The following NTM variants were observed in gnomAD, a reference collection of about 807,000 sequenced individuals.
The protein encoded by NTM is IgLON family member 2.
Under a neutral mutation model 42.1 loss-of-function variants are expected in NTM, and 13 were observed. The ratio of observed to expected loss-of-function variants is 0.31; its 90% CI spans 0.20 to 0.49. NTM has a LOEUF of 0.49. NTM is among the 20% of genes least tolerant of loss of function. The probability of loss-of-function intolerance (pLI) is 0.99; values close to 1 mark genes in which losing one functional copy is unlikely to be tolerated. For missense variants in NTM, 373 were observed against 452.8 expected (o/e 0.82, Z 1.60); for synonymous variants, 187 against 179.2 (o/e 1.04, Z -0.35).
chr11:131,911,747 G>T (rs2055073264), intron 2 of NTM, 99 bp downstream of exon 2: 1 of 1,458,322 alleles, frequency 6.9e-7, no homozygotes, highest in African/African-American at 1.4e-5. Context: ...CTGGGTTGGC[G>T]GAGAGGTCGC....
intron 3 of NTM, among the ~76,000 whole-genome samples, chr11:132,157,669 G>C (rs985390847): frequency 7.2e-6 from 1 of 139,318 alleles, no homozygotes; most frequent in Non-Finnish European, 1.7e-5. Context: ...CCTCGTATTT[G>C]TGTTTTTTCT....
At chr11:131,977,457 T>C (rs1406071608) in intron 2 of NTM, among the ~76,000 whole-genome samples, 1 of 152,226 alleles carries the variant, frequency 6.6e-6, no homozygotes, top group African/African-American at 2.4e-5. Context: ...CTCAGGCGCA[T>C]ACCTCTTCCT....
chr11:132,320,075 C>T (rs912459056), intron 7 of NTM, among the ~76,000 whole-genome samples: 4 of 152,228 alleles, frequency 2.6e-5, no homozygotes, highest in Non-Finnish European at 4.4e-5. Flanking sequence ...ACAAGGAAAA[C>T]TAACAAACAG....
At chr11:132,180,117 G>A (rs1380882497) in intron 3 of NTM, among the ~76,000 whole-genome samples, 1 of 152,122 alleles carries the variant, frequency 6.6e-6, no homozygotes, top group Non-Finnish European at 1.5e-5. Context: ...GATTGTCTAT[G>A]GAGAGAAAGT....
intron 1 of NTM, among the ~76,000 whole-genome samples, chr11:131,677,278 T>C (rs2071591448): frequency 6.6e-6 from 1 of 152,192 alleles, no homozygotes; most frequent in Non-Finnish European, 1.5e-5. Flanking sequence ...CCGCCTCCCG[T>C]GGAGGTCCAC....
At chr11:131,462,895 A>G (rs1476856439) in intron 1 of NTM, among the ~76,000 whole-genome samples, 1 of 144,952 alleles carries the variant, frequency 6.9e-6, no homozygotes, top group Non-Finnish European at 1.5e-5. Context: ...CTCCCAGCTG[A>G]AAGGTGACAA....
intron 1 of NTM, among the ~76,000 whole-genome samples, chr11:131,628,772 T>G (rs1156409375): frequency 1.3e-5 from 2 of 152,140 alleles, no homozygotes; most frequent in Non-Finnish European, 2.9e-5. Context: ...CACTAAACGG[T>G]GGGCTGAAGT....
intron 2 of NTM, among the ~76,000 whole-genome samples, chr11:132,034,420 C>T (rs2076271844): frequency 6.6e-6 from 1 of 152,194 alleles, no homozygotes; most frequent in South Asian, 2.1e-4. Context: ...ATGTTAAGTG[C>T]ATCTGTGCAC....
chr11:131,976,135 C>CCTTCCTTCCTTCCTTCCTTCCTTCCTTT (rs1565865943), intron 2 of NTM, among the ~76,000 whole-genome samples: 18 of 140,414 alleles, frequency 1.3e-4, no homozygotes, highest in African/African-American at 4.6e-4. Context: ...TTCCTTCCTT[C>CCTTCCTTCCTTCCTTCCTTCCTTCCTTT]CTTCCTTCCT....
At chr11:132,183,784 T>G (rs1044411536) in intron 3 of NTM, among the ~76,000 whole-genome samples, 1 of 152,058 alleles carries the variant, frequency 6.6e-6, no homozygotes, top group Non-Finnish European at 1.5e-5. Context: ...CAATACAAAT[T>G]TAGGCCATCA....
At chr11:131,937,853 T>C (rs1465942930) in intron 2 of NTM, among the ~76,000 whole-genome samples, 1 of 152,188 alleles carries the variant, frequency 6.6e-6, no homozygotes, top group Non-Finnish European at 1.5e-5. Flanking sequence ...GCAAAGTGTC[T>C]CAAAGGGCGG....
intron 4 of NTM, among the ~76,000 whole-genome samples, chr11:132,300,211 G>C (rs188832224): frequency 6.6e-6 from 1 of 152,128 alleles, no homozygotes; most frequent in African/African-American, 2.4e-5. Flanking sequence ...AGATGTTCTT[G>C]TATCAAGGAT....
intron 2 of NTM, among the ~76,000 whole-genome samples, chr11:132,060,142 G>A (rs1200626477): frequency 4.6e-5 from 7 of 152,158 alleles, no homozygotes; most frequent in South Asian, 2.1e-4. Context: ...AAACCCAGGC[G>A]TGCTGCCTCA....
At chr11:131,864,373 A>T (rs1231227457) in intron 1 of NTM, among the ~76,000 whole-genome samples, 1 of 152,174 alleles carries the variant, frequency 6.6e-6, no homozygotes, top group Admixed American at 6.5e-5. Context: ...AGAGCCTAAT[A>T]GGCAGGATTG....
At position 131,914,552 on chromosome 11, in the gene NTM, T is replaced by A. The variant is rs77001362; in HGVS notation, c.167+2904T>A. On this transcript the variant is annotated intron_variant, in intron 2 of 8. Coordinates refer to ENST00000683400, the MANE Select transcript of NTM (RefSeq NM_001352005.2). Reference sequence around the variant, plus strand: ...ATCATATTTTGAGGATCTTTTGCAGTCCCTAAAGAATAAATGCTCAGCAGA... The same window carrying A: ...ATCATATTTTGAGGATCTTTTGCAGACCCTAAAGAATAAATGCTCAGCAGA... Among the ~76,000 whole-genome samples, 36 of 152,310 alleles carry A rather than the reference T, an allele frequency of 2.4e-4. No individual in the cohort carries two copies. In the East Asian group the frequency reaches 6.8e-3, roughly 29 times the overall value.
At chr11:131,910,922 G>A (rs1368089692) in intron 1 of NTM, 14 of 986,862 alleles carry the variant, frequency 1.4e-5, no homozygotes, top group Non-Finnish European at 1.6e-5. Context: ...TCCTCCGCGC[G>A]CCACCCCTGC....
At chr11:132,055,678 A>G (rs1446709162) in intron 2 of NTM, among the ~76,000 whole-genome samples, 1 of 85,912 alleles carries the variant, frequency 1.2e-5, no homozygotes, top group African/African-American at 4.1e-5. Flanking sequence ...AGTGAGAGAG[A>G]GAGACAGAGA....
chr11:131,948,718 A>G (rs1388326566), intron 2 of NTM, among the ~76,000 whole-genome samples: 1 of 152,198 alleles, frequency 6.6e-6, no homozygotes, highest in Non-Finnish European at 1.5e-5. Context: ...AGAGGCGTCC[A>G]TGCTGGCAAC....
chr11:131,372,250 C>G (rs894189482), intron 1 of NTM, among the ~76,000 whole-genome samples: 2 of 151,682 alleles, frequency 1.3e-5, no homozygotes, highest in East Asian at 3.9e-4. Context: ...GGATCTGTGT[C>G]GGGTGATAAG....
Sources: gnomAD v4.1 joint callset for allele counts (sites outside exome capture counted in the v4.1 genomes callset) on GRCh38, gnomAD v4.1.1 for gene constraint, MANE v1.5 for transcripts, NCBI Gene and HGNC (gene_info 2026-07-23, HGNC 2026-07-21) for gene names.